Variants in BRINP3 observed in about 807,000 individuals in gnomAD.
BRINP3 encodes BMP/retinoic acid inducible neural specific 3, also known as BMP/retinoic acid-inducible neural-specific protein 3.
In BRINP3, 19 loss-of-function variants were observed where a neutral mutation model predicts 71.0. The ratio of observed to expected loss-of-function variants is 0.27; its 90% CI spans 0.19 to 0.39. The LOEUF is 0.39. Ranked by LOEUF, BRINP3 falls within the 10% of genes least tolerant of loss-of-function variation. The pLI is 1.00. For synonymous variants in BRINP3, 380 were observed against 337.7 expected, an observed-to-expected ratio of 1.13 and a Z score of -1.37; for missense variants, 959 against 940.8, an observed-to-expected ratio of 1.02 and a Z score of -0.25.
At chr1:190,265,085 T>G (rs751596270) in intron 3 of BRINP3, 30 bp from the exon 4 acceptor site, 1 of 1,561,064 alleles carries the variant, frequency 6.4e-7, no homozygotes, top group South Asian at 1.2e-5. Context: ...AATTATTCAA[T>G]TTTCCACTTA....
chr1:190,421,899 T>C (rs1037850015), intron 2 of BRINP3, among the ~76,000 whole-genome samples: 6 of 151,998 alleles, frequency 3.9e-5, no homozygotes, highest in African/African-American at 1.4e-4. Context: ...GGACATTCCT[T>C]GCATTCTTTT....
intron 5 of BRINP3, among the ~76,000 whole-genome samples, chr1:190,232,069 C>T (rs1471123822): frequency 1.3e-5 from 2 of 151,976 alleles, no homozygotes; most frequent in Admixed American, 1.3e-4. Flanking sequence ...TCTAAAACTT[C>T]AACATGTACT....
chr1:190,292,698 G>T (rs1663961749), intron 2 of BRINP3, among the ~76,000 whole-genome samples: 1 of 151,994 alleles, frequency 6.6e-6, no homozygotes, highest in African/African-American at 2.4e-5. Context: ...TTTGATGGGA[G>T]AAATTTTGGT....
At chr1:190,166,227 G>A (rs1297185235) in intron 6 of BRINP3, among the ~76,000 whole-genome samples, 1 of 152,170 alleles carries the variant, frequency 6.6e-6, no homozygotes, top group Non-Finnish European at 1.5e-5. Flanking sequence ...ACAATTTTAT[G>A]AGGCTACAAA....
At chr1:190,144,381 C>A (rs1655708380) in intron 7 of BRINP3, among the ~76,000 whole-genome samples, 1 of 151,914 alleles carries the variant, frequency 6.6e-6, no homozygotes, top group Admixed American at 6.6e-5. Flanking sequence ...TCATGATAGC[C>A]CTGGAATCTT....
intron 2 of BRINP3, among the ~76,000 whole-genome samples, chr1:190,299,818 T>G (rs1383367342): frequency 6.6e-6 from 1 of 151,994 alleles, no homozygotes; most frequent in Non-Finnish European, 1.5e-5. Flanking sequence ...GAAGCTTAGT[T>G]TGGCTGGATA....
chr1:190,429,261 G>A (rs899288244), intron 2 of BRINP3, among the ~76,000 whole-genome samples: 2 of 152,128 alleles, frequency 1.3e-5, no homozygotes, highest in African/African-American at 4.8e-5. Flanking sequence ...TATGTGCAAA[G>A]ATACTCATTT....
At chr1:190,260,853 T>C (rs1265868908) in intron 4 of BRINP3, among the ~76,000 whole-genome samples, 1 of 152,108 alleles carries the variant, frequency 6.6e-6, no homozygotes, top group Admixed American at 6.5e-5. Flanking sequence ...TTCAAGTTAA[T>C]TGTAATATAC....
intron 4 of BRINP3, among the ~76,000 whole-genome samples, chr1:190,236,460 T>C (rs190090285): frequency 1.0e-3 from 159 of 152,128 alleles, no homozygotes; most frequent in Non-Finnish European, 1.8e-4. Context: ...ACACATTAAC[T>C]CAAATGCATT....
intron 2 of BRINP3, among the ~76,000 whole-genome samples, chr1:190,400,549 G>A (rs1459879255): frequency 6.6e-6 from 1 of 152,088 alleles, no homozygotes; most frequent in Non-Finnish European, 1.5e-5. Context: ...TTCAGCGTGA[G>A]GTTTTAATCA....
chr1:190,259,808 A>G (rs895261250), intron 4 of BRINP3, among the ~76,000 whole-genome samples: 2 of 151,632 alleles, frequency 1.3e-5, no homozygotes, highest in African/African-American at 4.8e-5. Context: ...GGCGGGTGAA[A>G]CACCTGAGGT....
chr1:190,366,345 A>G (rs536471321), intron 2 of BRINP3, among the ~76,000 whole-genome samples: 2 of 152,128 alleles, frequency 1.3e-5, no homozygotes, highest in South Asian at 2.1e-4. Context: ...AAATAATCAG[A>G]TTTCCTGAGA....
intron 2 of BRINP3, among the ~76,000 whole-genome samples, chr1:190,444,021 T>C (rs1675020720): frequency 6.6e-6 from 1 of 151,922 alleles, no homozygotes; most frequent in African/African-American, 2.4e-5. Context: ...TTACCTAAGG[T>C]TGGGAGTTCG....
rs888084900 is a variant in BRINP3 at position 190,405,391 on chromosome 1, C to T, written c.236+49264G>A. On this transcript the variant is annotated intron_variant, in intron 2 of 7. Coordinates refer to ENST00000367462, the MANE Select transcript of BRINP3 (RefSeq NM_199051.3). The stretch of plus-strand genomic sequence containing the variant: ...GCGTGAACCCGGGAGGCGGAGCTTG[C>T]GGTGAGCTGAGATAATGCCACTGCA... Among the ~76,000 whole-genome samples the T allele has an allele frequency of 4.8e-5, 6 of 126,166 alleles. No individual in the cohort carries two copies. In the East Asian group the frequency reaches 1.4e-3, roughly 28 times the overall value. The allele number at this position is 126,166 out of a possible 152,430, so 82.8% of individuals were successfully genotyped here.
chr1:190,169,116 ACTAGCAGGTATT>A lies in BRINP3; in HGVS notation c.962-8238_962-8227del, dbSNP rs747610313. Among the ~76,000 whole-genome samples the A allele has an allele frequency of 3.3e-5, 5 of 152,292 alleles. No individual in the cohort carries two copies. In the South Asian group the frequency reaches 1.0e-3, roughly 32 times the overall value. On this transcript the variant is annotated intron_variant, in intron 6 of 7. Transcript: ENST00000367462. ...AATGTGAAATATGTAAAAAAACACG[ACTAGCAGGTATT>A]CTAGCTTCTGGCCTATACCTTAAGT...
intron 7 of BRINP3, among the ~76,000 whole-genome samples, chr1:190,120,088 A>G (rs1287435136): frequency 1.3e-5 from 2 of 152,068 alleles, no homozygotes; most frequent in African/African-American, 4.8e-5. Flanking sequence ...TTGCAGAAGA[A>G]GAGGTTAACT....
intron 6 of BRINP3, among the ~76,000 whole-genome samples, chr1:190,198,008 A>G (rs1453329308): frequency 6.6e-6 from 1 of 152,172 alleles, no homozygotes; most frequent in African/African-American, 2.4e-5. Flanking sequence ...ATCTAGACAG[A>G]GGTTCCCAAA....
At chr1:190,219,926 C>T (rs992829058) in intron 6 of BRINP3, among the ~76,000 whole-genome samples, 1 of 150,922 alleles carries the variant, frequency 6.6e-6, no homozygotes, top group Non-Finnish European at 1.5e-5. Context: ...AAATGAAAAA[C>T]ATGAAAAGGA....
chr1:190,244,459 G>T (rs1183380698), intron 4 of BRINP3, among the ~76,000 whole-genome samples: 4 of 152,054 alleles, frequency 2.6e-5, no homozygotes, highest in Admixed American at 1.3e-4. Flanking sequence ...CAAAAACTTA[G>T]AAATTGAATT....
Sources: gnomAD v4.1 joint callset for allele counts (sites outside exome capture counted in the v4.1 genomes callset) on GRCh38, gnomAD v4.1.1 for gene constraint, MANE v1.5 for transcripts, NCBI Gene and HGNC (gene_info 2026-07-23, HGNC 2026-07-21) for gene names.